PLB1: variants seen among roughly 807,000 people sequenced by gnomAD.
The protein encoded by PLB1 is phospholipase B1, membrane-associated.
Under a neutral mutation model 227.4 loss-of-function variants are expected in PLB1, and 242 were observed. That is an observed-to-expected ratio of 1.06 (90% CI 0.96 to 1.18). The LOEUF (loss-of-function observed/expected upper bound fraction) is 1.18. Among genes scored for constraint, PLB1 ranks in the 50% most tolerant of loss-of-function variants. PLB1 has a pLI of 0.00. For synonymous variants in PLB1, 757 were observed against 682.2 expected (o/e 1.11, Z -1.71); for missense variants, 1,858 against 1,816.3 (o/e 1.02, Z -0.42).
intron 17 of PLB1, among the ~76,000 whole-genome samples, chr2:28,558,639 C>G (rs1675533745): frequency 6.6e-6 from 1 of 152,010 alleles, no homozygotes; most frequent in South Asian, 2.1e-4. Flanking sequence ...AGGCTGTAAT[C>G]ATGTGGAAGG....
rs367664496 is a variant in PLB1 at position 28,628,556 on chromosome 2, C to G, written c.3661-7C>G. On this transcript the variant is annotated splice_polypyrimidine_tract_variant and splice_region_variant and intron_variant, in intron 51 of 57. Transcript: ENST00000327757. ...GGGCTAAAGAGAGTACCCTTTTTTC[C>G]TTACAGGAGGCCCACTTGGCCACGG... 302 of 1,612,862 alleles carry G rather than the reference C, an allele frequency of 1.9e-4. No individual in the cohort carries two copies. Among genetic ancestry groups the G allele is most frequent in the Non-Finnish European group, 2.3e-4 (270 of 1,179,598 alleles).
At chr2:28,511,786 A>ATTTTTTTTTTTTTTTTT (rs1668285878) in intron 1 of PLB1, among the ~76,000 whole-genome samples, 1 of 117,164 alleles carries the variant, frequency 8.5e-6, no homozygotes, top group African/African-American at 3.2e-5. Flanking sequence ...CAGCCATTTT[A>ATTTTTTTTTTTTTTTTT]TCTTTTTTTT....
chr2:28,643,342 G>A lies in PLB1; in HGVS notation c.*281G>A, dbSNP rs111843929. 1 of 292,136 alleles carries A rather than the reference G, an allele frequency of 3.4e-6. No homozygotes were observed. Among genetic ancestry groups the A allele is most frequent in the East Asian group, 5.6e-5 (1 of 17,860 alleles). 18.1% of individuals were successfully genotyped at this position (292,136 alleles called of 1,614,324 possible). On this transcript the variant is annotated 3_prime_UTR_variant, in exon 58 of 58. Coordinates refer to ENST00000327757, the MANE Select transcript of PLB1 (RefSeq NM_153021.5). ...CCAGGTGTGGGAGCTGCCACTTTTT[G>A]TGGCCTGCCTCCAGCAGGGCTGCCC...
intron 1 of PLB1, among the ~76,000 whole-genome samples, chr2:28,508,330 A>C (rs545494415): frequency 1.3e-5 from 2 of 152,290 alleles, no homozygotes; most frequent in East Asian, 3.9e-4. Context: ...AGGTCAACCC[A>C]GCTACCTCAG....
In PLB1 at chr2:28,632,016, G is replaced by A. The variant is rs1159942808; in HGVS notation, c.3898-20G>A. 3.1e-6 allele frequency: 5 copies of A among 1,602,394 alleles called. No individual in the cohort carries two copies. In the South Asian group the frequency reaches 4.4e-5, roughly 14 times the overall value. On this transcript the variant is annotated intron_variant, in intron 54 of 57. Coordinates refer to ENST00000327757, the MANE Select transcript of PLB1 (RefSeq NM_153021.5). ...GCAGCCTTGCCAGGAGGGTTGAGCA[G>A]CTTCTCTCTCTGTCCCCAGCATGGC...
intron 19 of PLB1, among the ~76,000 whole-genome samples, chr2:28,565,949 A>G (rs1676820755): frequency 6.6e-6 from 1 of 152,222 alleles, no homozygotes; most frequent in South Asian, 2.1e-4. Context: ...GACCAAGATC[A>G]CAGAGCCAGA....
intron 3 of PLB1, 122 bp downstream of exon 3, chr2:28,518,654 C>G (rs1157165781): frequency 1.9e-5 from 13 of 668,092 alleles, no homozygotes; most frequent in African/African-American, 3.7e-5. Context: ...CTTCCTTATC[C>G]TCAGTCCCTC....
rs150218411 is a variant in PLB1 at position 28,529,394 on chromosome 2, C to T, written c.403C>T (p.His135Tyr). The T allele has an allele frequency of 1.5e-5, 24 of 1,602,272 alleles. No individual in the cohort carries two copies. Among genetic ancestry groups the T allele is most frequent in the East Asian group, 2.2e-5 (1 of 44,848 alleles). ...VCHTGKRVIP[H>Y]DGAEDLWIQA... is the part of the protein sequence containing the mutation. Reference sequence around the variant, plus strand: ...CCACACTGGAAAGAGAGTCATACCCCACGATGGTGCTGAGTAAGTTCCCTT... The same window carrying T: ...CCACACTGGAAAGAGAGTCATACCCTACGATGGTGCTGAGTAAGTTCCCTT... The change falls in exon 7 of 58, where the codon CAC becomes TAC. Residue 135 changes from histidine to tyrosine, a missense_variant. Physicochemically the swap from His to Tyr is moderately conservative, Grantham distance 83 (BLOSUM62 2). Coordinates refer to ENST00000327757, the MANE Select transcript of PLB1 (RefSeq NM_153021.5).
At chr2:28,545,020 C>T (rs1040363830) in intron 14 of PLB1, among the ~76,000 whole-genome samples, 37 of 152,124 alleles carry the variant, frequency 2.4e-4, no homozygotes, top group African/African-American at 8.9e-4. Context: ...CTTTACAGAG[C>T]TGCCAGGTGA....
intron 26 of PLB1, among the ~76,000 whole-genome samples, chr2:28,586,734 G>A (rs1269824363): frequency 6.6e-6 from 1 of 152,046 alleles, no homozygotes; most frequent in African/African-American, 2.4e-5. Flanking sequence ...TTTATTTTAT[G>A]TATTTATTTA....
At chr2:28,552,602 T>C (rs1297455580) in intron 16 of PLB1, among the ~76,000 whole-genome samples, 1 of 152,140 alleles carries the variant, frequency 6.6e-6, no homozygotes. Context: ...GAATGACCAC[T>C]CTGGATAGAT....
intron 16 of PLB1, 91 bp downstream of exon 16, chr2:28,550,175 T>G (rs1673999990): frequency 1.9e-6 from 2 of 1,043,662 alleles, no homozygotes; most frequent in African/African-American, 1.6e-5. Flanking sequence ...ACGTGGTTTT[T>G]TTTTTTTTTT....
chr2:28,614,796 G>A (rs72795517), intron 44 of PLB1, among the ~76,000 whole-genome samples: 408 of 152,184 alleles, frequency 2.7e-3, no homozygotes, highest in Non-Finnish European at 4.6e-3. Context: ...GAGAAGTATC[G>A]AACATGGTCC....
At chr2:28,628,257 G>T (rs2148336158) in intron 51 of PLB1, among the ~76,000 whole-genome samples, 1 of 152,298 alleles carries the variant, frequency 6.6e-6, no homozygotes, top group South Asian at 2.1e-4. Context: ...TGACGGATGG[G>T]ACTGCCGAGA....
chr2:28,509,798 G>T (rs1269729937), intron 1 of PLB1, among the ~76,000 whole-genome samples: 1 of 152,164 alleles, frequency 6.6e-6, no homozygotes, highest in Non-Finnish European at 1.5e-5. Context: ...CATGATTGGG[G>T]TTTGATGATG....
At chr2:28,597,035 G>A (rs113531533) in intron 33 of PLB1, among the ~76,000 whole-genome samples, 7,330 of 152,188 alleles carry the variant, frequency 0.048, 571 homozygotes, top group African/African-American at 0.16. Flanking sequence ...AGGCTGAGGC[G>A]GGCGAATCAT....
At chr2:28,615,672 C>T (rs1009460311) in intron 44 of PLB1, among the ~76,000 whole-genome samples, 3 of 152,198 alleles carry the variant, frequency 2.0e-5, no homozygotes, top group Admixed American at 2.0e-4. Flanking sequence ...TCAGCTGCAT[C>T]TTGTGAATCA....
rs764719303 is a variant in PLB1 at position 28,589,664 on chromosome 2, C to G, written c.1921-11C>G. On this transcript the variant is annotated splice_polypyrimidine_tract_variant and intron_variant, in intron 27 of 57. Transcript: ENST00000327757. Reference sequence around the variant, plus strand: ...TCTATAACTGCCTCTCTTTTTCTGCCCGGTGACCAGGAAGGATTGCCTGAC... The same window carrying G: ...TCTATAACTGCCTCTCTTTTTCTGCGCGGTGACCAGGAAGGATTGCCTGAC... 1 of 1,613,680 alleles carries G rather than the reference C, an allele frequency of 6.2e-7. No individual in the cohort carries two copies.
intron 37 of PLB1, 104 bp downstream of exon 37, chr2:28,601,436 C>G (rs1106882): frequency 0.28 from 233,984 of 828,038 alleles, 33,533 homozygotes; most frequent in East Asian, 0.38. Flanking sequence ...CTAGGATTAT[C>G]CACCTACACC....
Sources: gnomAD v4.1 joint callset for allele counts (sites outside exome capture counted in the v4.1 genomes callset) on GRCh38, gnomAD v4.1.1 for gene constraint, MANE v1.5 for transcripts, NCBI Gene and HGNC (gene_info 2026-07-23, HGNC 2026-07-21) for gene names.